ATG10: variants seen among roughly 807,000 people sequenced by gnomAD.
The protein encoded by ATG10 is autophagy related 10, also known as ubiquitin-like-conjugating enzyme ATG10.
In ATG10, 30 loss-of-function variants were observed where a neutral mutation model predicts 32.1. The observed-to-expected ratio is 0.94, with a 90% CI of 0.70 to 1.27. The LOEUF (loss-of-function observed/expected upper bound fraction) is 1.27. Ranked by LOEUF, ATG10 falls within the 50% of genes most tolerant of loss-of-function variation. The pLI, the probability that ATG10 is intolerant of heterozygous loss-of-function variation, is 0.00. For missense variants in ATG10, 233 were observed against 262.3 expected (o/e 0.89, Z 0.77); for synonymous variants, 87 against 91.5 (o/e 0.95, Z 0.28).
intron 5 of ATG10, among the ~76,000 whole-genome samples, chr5:82,212,263 A>T (rs994437711): frequency 2.6e-5 from 4 of 152,156 alleles, no homozygotes; most frequent in African/African-American, 9.7e-5. Context: ...CTCTGTTACT[A>T]TGGGAAAAGA....
At chr5:82,104,349 A>G (rs1399212791) in intron 3 of ATG10, among the ~76,000 whole-genome samples, 2 of 152,236 alleles carry the variant, frequency 1.3e-5, no homozygotes, top group East Asian at 3.9e-4. Context: ...CCATAGGGTG[A>G]ATGAAGTAGG....
intron 3 of ATG10, among the ~76,000 whole-genome samples, chr5:82,125,461 G>A (rs1766227444): frequency 6.6e-6 from 1 of 152,124 alleles, no homozygotes; most frequent in African/African-American, 2.4e-5. Flanking sequence ...TAATGTGTAA[G>A]GAAAGTGTCC....
chr5:82,132,572 A>G (rs1766584154), intron 3 of ATG10, among the ~76,000 whole-genome samples: 1 of 152,032 alleles, frequency 6.6e-6, no homozygotes, highest in African/African-American at 2.4e-5. Context: ...TGTCCCTGCA[A>G]TGGACATGAA....
intron 2 of ATG10, among the ~76,000 whole-genome samples, chr5:82,049,812 A>G (rs1052321736): frequency 3.3e-5 from 5 of 152,156 alleles, no homozygotes; most frequent in Admixed American, 2.0e-4. Context: ...GGTTCTTAGA[A>G]TCATATTTAT....
chr5:82,148,587 T>G (rs1434103124), intron 3 of ATG10, among the ~76,000 whole-genome samples: 1 of 152,222 alleles, frequency 6.6e-6, no homozygotes, highest in Non-Finnish European at 1.5e-5. Context: ...TCAAGCTACC[T>G]GTAGTTTTTC....
At chr5:82,135,141 G>T (rs773559196) in intron 3 of ATG10, among the ~76,000 whole-genome samples, 1 of 151,874 alleles carries the variant, frequency 6.6e-6, no homozygotes. Context: ...CTGGCTAGCC[G>T]TCCATCTATT....
intron 3 of ATG10, among the ~76,000 whole-genome samples, chr5:82,123,883 C>T (rs1286628688): frequency 6.6e-6 from 1 of 151,766 alleles, no homozygotes; most frequent in Admixed American, 6.6e-5. Context: ...CTGTGATTAG[C>T]TGTGATTGCA....
intron 5 of ATG10, among the ~76,000 whole-genome samples, chr5:82,241,159 C>T (rs1490128258): frequency 6.6e-6 from 1 of 152,174 alleles, no homozygotes; most frequent in Non-Finnish European, 1.5e-5. Context: ...TTAGTGTCAT[C>T]CTTGGCTCTT....
At chr5:82,143,753 T>C (rs1767238602) in intron 3 of ATG10, among the ~76,000 whole-genome samples, 1 of 152,238 alleles carries the variant, frequency 6.6e-6, no homozygotes, top group Admixed American at 6.5e-5. Context: ...CAGGATTGGT[T>C]CTTAACATAT....
chr5:82,087,236 G>T (rs1561292092), intron 3 of ATG10, among the ~76,000 whole-genome samples: 2 of 152,170 alleles, frequency 1.3e-5, no homozygotes, highest in African/African-American at 2.4e-5. Flanking sequence ...AATAATTTAG[G>T]AAGGCTTTGT....
chr5:82,035,742 AT>A lies in ATG10; in HGVS notation c.109-22751del, dbSNP rs1489837203. ...TTGATTTGTAAAAATAACATATATG[AT>A]TATATATTATATAATAATATAAAAA... On this transcript the variant is annotated intron_variant, in intron 2 of 7. Coordinates refer to ENST00000282185, the MANE Select transcript of ATG10 (RefSeq NM_031482.5). Among the ~76,000 whole-genome samples, 13 of 148,070 alleles carry A rather than the reference AT, an allele frequency of 8.8e-5. No individual in the cohort carries two copies. In the Admixed American group the frequency reaches 8.8e-4, roughly 10 times the overall value.
intron 3 of ATG10, among the ~76,000 whole-genome samples, chr5:82,121,941 G>GTTTTTTT (rs77349086): frequency 0.013 from 1,552 of 120,876 alleles, 61 homozygotes; most frequent in African/African-American, 0.048. Context: ...TTGGCCTGAA[G>GTTTTTTT]TTTTTTTTTT....
At chr5:82,173,801 T>G (rs1743900423) in intron 4 of ATG10, among the ~76,000 whole-genome samples, 1 of 152,210 alleles carries the variant, frequency 6.6e-6, no homozygotes, top group African/African-American at 2.4e-5. Context: ...TGTAAAAAAA[T>G]AGACTCTCTT....
chr5:81,981,688 C>T (rs907195901), intron 1 of ATG10, among the ~76,000 whole-genome samples: 1 of 152,130 alleles, frequency 6.6e-6, no homozygotes, highest in Non-Finnish European at 1.5e-5. Flanking sequence ...CTGGGAAATT[C>T]AGTTATATTT....
intron 3 of ATG10, among the ~76,000 whole-genome samples, chr5:82,087,191 A>C (rs560707530): frequency 2.0e-5 from 3 of 152,190 alleles, no homozygotes; most frequent in Non-Finnish European, 2.9e-5. Context: ...CAATGACATA[A>C]ATTTTCAAGG....
At chr5:82,092,896 A>G (rs1472631115) in intron 3 of ATG10, among the ~76,000 whole-genome samples, 1 of 152,152 alleles carries the variant, frequency 6.6e-6, no homozygotes, top group East Asian at 1.9e-4. Flanking sequence ...TTGATATCCA[A>G]ATGTTCTACC....
intron 3 of ATG10, among the ~76,000 whole-genome samples, chr5:82,064,408 C>G (rs4703866): frequency 0.35 from 52,477 of 151,628 alleles, 10,356 homozygotes; most frequent in East Asian, 0.76. Flanking sequence ...ACAACCATAC[C>G]AAAGATATGT....
chr5:82,159,412 G>A (rs1243592794), intron 3 of ATG10, among the ~76,000 whole-genome samples: 1 of 152,192 alleles, frequency 6.6e-6, no homozygotes, highest in Admixed American at 6.6e-5. Flanking sequence ...GTGGCATTGG[G>A]TAAGGCACCA....
intron 1 of ATG10, among the ~76,000 whole-genome samples, chr5:81,983,364 C>T (rs1246180758): frequency 2.1e-5 from 3 of 145,154 alleles, no homozygotes; most frequent in African/African-American, 5.2e-5. Context: ...GGCGGCCGGG[C>T]AGAGGTGCCC....
Sources: allele counts gnomAD v4.1 joint callset (sites outside exome capture counted in the v4.1 genomes callset), GRCh38; gene constraint gnomAD v4.1.1; transcripts MANE v1.5; gene names NCBI Gene and HGNC (gene_info 2026-07-23, HGNC 2026-07-21).